The following CSMD3 variants were observed in gnomAD, a reference collection of about 807,000 sequenced individuals.
CSMD3 encodes CUB and sushi domain-containing protein 3.
CSMD3 carries 177 observed loss-of-function variants against 435.2 expected under a neutral mutation model. The ratio of observed to expected loss-of-function variants is 0.41; its 90% CI spans 0.36 to 0.46. CSMD3 has a LOEUF of 0.46. CSMD3 is among the 20% of genes least tolerant of loss of function. CSMD3 has a pLI of 0.34. For missense variants in CSMD3, 4,265 were observed against 4,504.6 expected (o/e 0.95, Z 1.52); for synonymous variants, 1,656 against 1,520.5 (o/e 1.09, Z -2.07).
intron 1 of CSMD3, among the ~76,000 whole-genome samples, chr8:113,377,402 G>T (rs2094392777): frequency 6.6e-6 from 1 of 152,164 alleles, no homozygotes; most frequent in African/African-American, 2.4e-5. Context: ...ATCTGAAAGT[G>T]ATTTATCTAT....
chr8:112,539,522 T>C (rs1047606791), intron 27 of CSMD3, among the ~76,000 whole-genome samples: 1 of 152,114 alleles, frequency 6.6e-6, no homozygotes, highest in African/African-American at 2.4e-5. Flanking sequence ...CTTTAAAATA[T>C]ACTGCAAAGC....
chr8:112,408,885 G>A (rs2130074194), intron 33 of CSMD3, 34 bp downstream of exon 33: 2 of 1,613,000 alleles, frequency 1.2e-6, no homozygotes, highest in South Asian at 2.2e-5. Flanking sequence ...TCTTTAATCA[G>A]TAACTGATGC....
intron 39 of CSMD3, 87 bp downstream of exon 39, chr8:112,352,329 T>A: frequency 1.3e-6 from 2 of 1,595,150 alleles, no homozygotes; most frequent in Non-Finnish European, 1.7e-6. Context: ...ATCAATGTTG[T>A]AAAACCCGTG....
At chr8:112,704,472 G>A (rs2076456306) in intron 13 of CSMD3, among the ~76,000 whole-genome samples, 1 of 152,238 alleles carries the variant, frequency 6.6e-6, no homozygotes, top group Admixed American at 6.5e-5. Context: ...AGGATGGCTA[G>A]AAGACCTGCA....
At chr8:113,200,573 CA>C in intron 3 of CSMD3, among the ~76,000 whole-genome samples, 1 of 151,606 alleles carries the variant, frequency 6.6e-6, no homozygotes, top group African/African-American at 2.4e-5. Context: ...TGAAACAAAG[CA>C]AATCTATTTC....
chr8:112,419,614 A>G (rs1040109611), intron 32 of CSMD3, among the ~76,000 whole-genome samples: 2 of 152,192 alleles, frequency 1.3e-5, no homozygotes, highest in African/African-American at 4.8e-5. Context: ...TAAATCCATA[A>G]TATCTACTTT....
chr8:113,328,716 T>G (rs1383154945), intron 1 of CSMD3, among the ~76,000 whole-genome samples: 1 of 146,654 alleles, frequency 6.8e-6, no homozygotes, highest in African/African-American at 2.5e-5. Context: ...CTTTCTTTCT[T>G]TCTTTCCTTC....
At chr8:112,997,881 CAT>C (rs1323601915) in intron 6 of CSMD3, among the ~76,000 whole-genome samples, 19 of 136,708 alleles carry the variant, frequency 1.4e-4, no homozygotes, top group Admixed American at 8.1e-4. Flanking sequence ...TATATATATA[CAT>C]ATATATATAG....
At chr8:112,630,826 T>C (rs911348393) in intron 22 of CSMD3, among the ~76,000 whole-genome samples, 1 of 152,038 alleles carries the variant, frequency 6.6e-6, no homozygotes, top group Non-Finnish European at 1.5e-5. Context: ...GTAAAGTCAA[T>C]GTGCTTGTGG....
rs188750201 is a variant in CSMD3, at chr8:113,062,721, G to A, written c.917+36035C>T. 5.9e-3 allele frequency among the ~76,000 whole-genome samples: 899 copies of A among 151,732 alleles called. 4 individuals are homozygous for A. The highest frequency in any genetic ancestry group is 0.019 in the African/African-American group (799 of 41,458). ...CTCCCTTTTGTTTGACAAAAATCTA[G>A]GTGTAACTGTTGAGGAAAAGCCAGA... is the stretch of plus-strand genomic sequence containing the variant. On this transcript the variant is annotated intron_variant, in intron 5 of 70. Coordinates refer to ENST00000297405, the MANE Select transcript of CSMD3 (RefSeq NM_198123.2).
chr8:112,829,986 T>C (rs1457152633), intron 11 of CSMD3, among the ~76,000 whole-genome samples, 197 bp from the exon 12 acceptor site: 1 of 152,110 alleles, frequency 6.6e-6, no homozygotes, highest in Non-Finnish European at 1.5e-5. Flanking sequence ...CAAGTCATGT[T>C]AGAATATTCT....
At chr8:113,293,211 G>GTATACATATATATTTATATA (rs1324056344) in intron 2 of CSMD3, among the ~76,000 whole-genome samples, 83 of 142,600 alleles carry the variant, frequency 5.8e-4, no homozygotes, top group African/African-American at 2.0e-3. Flanking sequence ...TGACCTTTAA[G>GTATACATATATATTTATATA]TATACATATA....
chr8:112,953,201 A>G (rs1018213550), intron 8 of CSMD3, among the ~76,000 whole-genome samples: 1 of 151,594 alleles, frequency 6.6e-6, no homozygotes, highest in Non-Finnish European at 1.5e-5. Context: ...AAATATTAGA[A>G]AAAAATGTAG....
intron 5 of CSMD3, chr8:113,098,517 A>G (rs1476016862): frequency 8.0e-6 from 4 of 502,702 alleles, no homozygotes; most frequent in Non-Finnish European, 1.1e-5. Context: ...AAAAAACACA[A>G]CTGTAGATTA....
At chr8:112,563,813 A>T (rs1828844647) in intron 24 of CSMD3, among the ~76,000 whole-genome samples, 1 of 151,790 alleles carries the variant, frequency 6.6e-6, no homozygotes, top group Admixed American at 6.6e-5. Context: ...ACTTGTATTT[A>T]CTCTGTGAGG....
At chr8:113,166,963 A>G (rs1339489653) in intron 4 of CSMD3, among the ~76,000 whole-genome samples, 2 of 152,160 alleles carry the variant, frequency 1.3e-5, no homozygotes, top group Non-Finnish European at 2.9e-5. Flanking sequence ...TCCTTATCTT[A>G]ATACTATAAG....
At chr8:112,884,436 T>C (rs1215752131) in intron 10 of CSMD3, among the ~76,000 whole-genome samples, 1 of 151,758 alleles carries the variant, frequency 6.6e-6, no homozygotes, top group Non-Finnish European at 1.5e-5. Context: ...TTTTTCGGCC[T>C]CCACACTACT....
At chr8:112,806,856 G>C (rs1039159073) in intron 12 of CSMD3, among the ~76,000 whole-genome samples, 1 of 152,158 alleles carries the variant, frequency 6.6e-6, no homozygotes, top group African/African-American at 2.4e-5. Context: ...TTCTTCTTCT[G>C]TGCTCTCATA....
chr8:112,259,022 G>A (rs2130326193), intron 61 of CSMD3, among the ~76,000 whole-genome samples: 1 of 152,006 alleles, frequency 6.6e-6, no homozygotes, highest in Middle Eastern at 3.4e-3. Flanking sequence ...CTGGGCTACA[G>A]AGCGAGAATC....
Sources: gnomAD v4.1 joint callset for allele counts (sites outside exome capture counted in the v4.1 genomes callset) on GRCh38, gnomAD v4.1.1 for gene constraint, MANE v1.5 for transcripts, NCBI Gene and HGNC (gene_info 2026-07-23, HGNC 2026-07-21) for gene names.